Variants in SUMF1 observed in about 807,000 individuals in gnomAD.
SUMF1 encodes sulfatase modifying factor 1.
Under a neutral mutation model 47.6 loss-of-function variants are expected in SUMF1, and 48 were observed. The observed-to-expected ratio is 1.01, with a 90% CI of 0.80 to 1.28. The LOEUF (loss-of-function observed/expected upper bound fraction) is 1.28, where lower values mean the gene tolerates loss of function less well. Ranked by LOEUF, SUMF1 falls within the 50% of genes most tolerant of loss-of-function variation. SUMF1 has a pLI of 0.00. For missense variants in SUMF1, 571 were observed against 485.4 expected (o/e 1.18, Z -1.66); for synonymous variants, 230 against 192.1 (o/e 1.20, Z -1.63).
intron 8 of SUMF1, among the ~76,000 whole-genome samples, chr3:4,116,357 C>T (rs777046254): frequency 6.6e-5 from 10 of 152,102 alleles, no homozygotes; most frequent in Non-Finnish European, 1.0e-4. Context: ...CTCTTTATTG[C>T]GCAGAATAAG....
intron 8 of SUMF1, among the ~76,000 whole-genome samples, chr3:4,240,986 A>T (rs1275411074): frequency 2.6e-5 from 4 of 152,098 alleles, no homozygotes; most frequent in African/African-American, 9.7e-5. Context: ...TCCTTTCCTA[A>T]TATTATGAAG....
chr3:4,410,715 A>C (rs1034714842), intron 7 of SUMF1, 150 bp downstream of exon 7: 1 of 736,766 alleles, frequency 1.4e-6, no homozygotes, highest in Middle Eastern at 3.1e-4. Flanking sequence ...TGAAATAAGA[A>C]ACATGCGCTT....
intron 8 of SUMF1, among the ~76,000 whole-genome samples, chr3:4,080,571 G>A (rs918683000): frequency 6.6e-6 from 1 of 152,060 alleles, no homozygotes; most frequent in Non-Finnish European, 1.5e-5. Context: ...TTTCTGATGG[G>A]CACTAGCTGC....
intron 8 of SUMF1, among the ~76,000 whole-genome samples, chr3:4,111,757 T>C (rs1693312990): frequency 6.6e-6 from 1 of 152,020 alleles, no homozygotes; most frequent in Non-Finnish European, 1.5e-5. Flanking sequence ...CAAAAAAACC[T>C]TTATTGCTCT....
At chr3:4,131,925 G>T (rs1260182112) in intron 8 of SUMF1, among the ~76,000 whole-genome samples, 1 of 152,108 alleles carries the variant, frequency 6.6e-6, no homozygotes, top group East Asian at 1.9e-4. Flanking sequence ...TTACACATGG[G>T]CTCAGCAACA....
chr3:4,070,701 T>C (rs775499808), intron 8 of SUMF1, among the ~76,000 whole-genome samples: 3 of 152,076 alleles, frequency 2.0e-5, no homozygotes, highest in Non-Finnish European at 2.9e-5. Context: ...AGTGGCGCCA[T>C]CTTGGCTCAC....
intron 8 of SUMF1, among the ~76,000 whole-genome samples, chr3:4,195,911 A>G (rs954496154): frequency 6.6e-6 from 1 of 152,102 alleles, no homozygotes; most frequent in Non-Finnish European, 1.5e-5. Context: ...CTTGTCATCA[A>G]CTCTGAATTG....
intron 7 of SUMF1, among the ~76,000 whole-genome samples, chr3:4,400,582 A>C (rs1701178461): frequency 6.6e-6 from 1 of 152,232 alleles, no homozygotes; most frequent in African/African-American, 2.4e-5. Flanking sequence ...GATTTTCCAA[A>C]GGGAGATGTT....
At chr3:4,074,775 C>G (rs1242743991) in intron 8 of SUMF1, among the ~76,000 whole-genome samples, 1 of 151,978 alleles carries the variant, frequency 6.6e-6, no homozygotes, top group Non-Finnish European at 1.5e-5. Context: ...GACACCCACC[C>G]AAGACTAAAC....
At chr3:4,454,085 C>T (rs1157938011) in intron 1 of SUMF1, among the ~76,000 whole-genome samples, 3 of 152,052 alleles carry the variant, frequency 2.0e-5, no homozygotes, top group African/African-American at 7.3e-5. Context: ...GAATTTTGGC[C>T]TCCAACAATC....
chr3:4,438,944 C>T lies in SUMF1; in HGVS notation c.519+10322G>A, dbSNP rs1047462123. Among the ~76,000 whole-genome samples, 9 of 152,186 alleles carry T rather than the reference C, an allele frequency of 5.9e-5. No homozygotes were observed. The South Asian group carries it at 1.9e-3, about 32-fold the overall frequency. On this transcript the variant is annotated intron_variant, in intron 3 of 8. Coordinates refer to ENST00000272902, the MANE Select transcript of SUMF1 (RefSeq NM_182760.4). ...ATTTCAGGGACCAATATCATAAGGG[C>T]CACATTCTCTGATTACAGCCTCATT... is the stretch of plus-strand genomic sequence containing the variant.
intron 9 of SUMF1, among the ~76,000 whole-genome samples, chr3:4,066,798 T>C (rs992201535): frequency 5.3e-5 from 8 of 152,160 alleles, no homozygotes; most frequent in African/African-American, 1.9e-4. Context: ...GAGCAGTCAA[T>C]GACAGGACCT....
chr3:4,207,866 T>C (rs1695687552), intron 8 of SUMF1, among the ~76,000 whole-genome samples: 2 of 152,038 alleles, frequency 1.3e-5, no homozygotes, highest in South Asian at 2.1e-4. Flanking sequence ...AGATAGGAAA[T>C]GTTGAAATGT....
At chr3:4,176,612 A>G (rs575095747) in intron 8 of SUMF1, among the ~76,000 whole-genome samples, 2 of 152,360 alleles carry the variant, frequency 1.3e-5, no homozygotes, top group South Asian at 2.1e-4. Flanking sequence ...CATCGATGAT[A>G]GAAAGAAACT....
intron 8 of SUMF1, among the ~76,000 whole-genome samples, chr3:4,208,365 TA>T (rs1695698787): frequency 6.7e-6 from 1 of 150,374 alleles, no homozygotes; most frequent in Non-Finnish European, 1.5e-5. Flanking sequence ...TCCCTCCCTA[TA>T]AAACTTACCG....
At chr3:4,286,742 T>C (rs1306966199) in intron 8 of SUMF1, among the ~76,000 whole-genome samples, 3 of 152,150 alleles carry the variant, frequency 2.0e-5, no homozygotes, top group Non-Finnish European at 2.9e-5. Flanking sequence ...ATGTAAAACA[T>C]TAAGATCCAT....
chr3:4,462,556 C>T (rs2079840664), intron 1 of SUMF1, among the ~76,000 whole-genome samples: 1 of 152,078 alleles, frequency 6.6e-6, no homozygotes, highest in South Asian at 2.1e-4. Context: ...TTTTCACTTG[C>T]TACCGTAAGA....
intron 8 of SUMF1, among the ~76,000 whole-genome samples, chr3:4,199,251 A>G (rs1429265651): frequency 2.6e-5 from 4 of 151,916 alleles, no homozygotes; most frequent in Admixed American, 2.6e-4. Context: ...TACTATATGT[A>G]TTCTTTTGTG....
At chr3:4,037,648 T>A (rs1694823222) in intron 9 of SUMF1, among the ~76,000 whole-genome samples, 2 of 152,204 alleles carry the variant, frequency 1.3e-5, no homozygotes, top group South Asian at 4.1e-4. Flanking sequence ...CTCAATTCTA[T>A]TTCTGTCATT....
Sources: allele counts gnomAD v4.1 joint callset (sites outside exome capture counted in the v4.1 genomes callset), GRCh38; gene constraint gnomAD v4.1.1; transcripts MANE v1.5; gene names NCBI Gene and HGNC (gene_info 2026-07-23, HGNC 2026-07-21).